UGGT2: variants seen among roughly 807,000 people sequenced by gnomAD.
UGGT2 encodes the protein UDP-glucose glycoprotein glucosyltransferase 2.
In UGGT2, 180 loss-of-function variants were observed where a neutral mutation model predicts 192.1. The observed-to-expected ratio is 0.94, with a 90% CI of 0.83 to 1.06. The LOEUF (loss-of-function observed/expected upper bound fraction) is 1.06. UGGT2 is among the 50% of genes least tolerant of loss of function. UGGT2 has a pLI of 0.00. For missense variants in UGGT2, 1,849 were observed against 1,795.7 expected (o/e 1.03, Z -0.54); for synonymous variants, 580 against 591.0 (o/e 0.98, Z 0.27).
At chr13:96,021,439 C>T (rs549629450) in intron 4 of UGGT2, among the ~76,000 whole-genome samples, 1 of 152,064 alleles carries the variant, frequency 6.6e-6, no homozygotes, top group East Asian at 1.9e-4. Flanking sequence ...TCTAATAATG[C>T]CATAAAGGAA....
intron 24 of UGGT2, among the ~76,000 whole-genome samples, chr13:95,893,247 G>A (rs1465144389): frequency 6.6e-6 from 1 of 151,818 alleles, no homozygotes; most frequent in East Asian, 1.9e-4. Context: ...CAGAAATAAC[G>A]GATTTATAAC....
At chr13:95,813,630 G>A (rs1007126090) in intron 38 of UGGT2, among the ~76,000 whole-genome samples, 1 of 152,192 alleles carries the variant, frequency 6.6e-6, no homozygotes, top group Non-Finnish European at 1.5e-5. Context: ...TTCAAAGGAA[G>A]AATCCAAGCA....
chr13:95,980,278 T>C (rs932551134), intron 10 of UGGT2, among the ~76,000 whole-genome samples: 4 of 152,052 alleles, frequency 2.6e-5, no homozygotes, highest in African/African-American at 9.7e-5. Context: ...TACTCAGCCA[T>C]AAAAAGGAAT....
chr13:96,046,509 G>A (rs544275364), intron 1 of UGGT2, among the ~76,000 whole-genome samples: 41 of 150,724 alleles, frequency 2.7e-4, no homozygotes, highest in Admixed American at 1.1e-3. Context: ...TGGCTGAATA[G>A]GAACAGCTCC....
chr13:96,011,146 C>T (rs896463413), intron 5 of UGGT2, among the ~76,000 whole-genome samples: 19 of 151,978 alleles, frequency 1.3e-4, no homozygotes, highest in African/African-American at 3.1e-4. Flanking sequence ...AACTATAAAA[C>T]GCTTAGAATA....
chr13:95,867,389 C>G lies in UGGT2; in HGVS notation c.3508G>C (p.Asp1170His). 1.2e-6 allele frequency: 2 copies of G among 1,608,842 alleles called. No individual in the cohort carries two copies. The highest frequency in any genetic ancestry group is 1.7e-6 in the Non-Finnish European group (2 of 1,178,140). ...EGTDSQADLE[D>H]IIVVLNSFKS... ...AAGCTGTTTAATACAACAATGATAT[C>G]TTCTAGGTCTGCTTGAGAGTCAGTT... Residue 1170 changes from aspartate to histidine, a missense_variant, in exon 30 of 39, where the codon GAT becomes CAT. By Grantham distance (81) the Asp-to-His change is moderately conservative. Coordinates refer to ENST00000376747, the MANE Select transcript of UGGT2 (RefSeq NM_020121.4).
Position 95,801,713 on chromosome 13 carries a change from A to G in UGGT2, c.*77T>C, listed in dbSNP as rs1884065289. The G allele has an allele frequency of 1.3e-6, 2 of 1,495,564 alleles. No homozygotes were observed. The highest frequency in any genetic ancestry group is 1.8e-6 in the Non-Finnish European group (2 of 1,088,088). 92.6% of individuals were successfully genotyped at this position (1,495,564 alleles called of 1,614,324 possible). ...CTTAACGAGACTTCCAAATCGTCTCAGCAGGGGCTCCAGACTTCCCCAGCA... is the reference window on the plus strand; with the variant it reads ...CTTAACGAGACTTCCAAATCGTCTCGGCAGGGGCTCCAGACTTCCCCAGCA... On this transcript the variant is annotated 3_prime_UTR_variant, in exon 39 of 39. Transcript: ENST00000376747.
At chr13:95,803,555 C>T (rs139616095) in intron 38 of UGGT2, among the ~76,000 whole-genome samples, 11 of 152,266 alleles carry the variant, frequency 7.2e-5, no homozygotes, top group South Asian at 4.1e-4. Flanking sequence ...TCACCGTGCC[C>T]GGCCGAAAAG....
chr13:95,976,377 AC>A (rs1337017590), intron 10 of UGGT2, among the ~76,000 whole-genome samples: 1 of 152,206 alleles, frequency 6.6e-6, no homozygotes, highest in Non-Finnish European at 1.5e-5. Context: ...GTTTTAATAA[AC>A]ATGGCAGTGC....
At chr13:95,976,662 C>T (rs1594487257) in intron 10 of UGGT2, among the ~76,000 whole-genome samples, 1 of 152,296 alleles carries the variant, frequency 6.6e-6, no homozygotes, top group East Asian at 1.9e-4. Context: ...CTATTCCCAT[C>T]AAGCTACCAT....
At chr13:95,931,779 T>G (rs949560526) in intron 17 of UGGT2, among the ~76,000 whole-genome samples, 3 of 151,958 alleles carry the variant, frequency 2.0e-5, no homozygotes, top group Admixed American at 2.0e-4. Flanking sequence ...CGCTGGCCCA[T>G]GAACGTGGCG....
At chr13:95,899,536 T>G (rs2048043627) in intron 22 of UGGT2, among the ~76,000 whole-genome samples, 1 of 152,092 alleles carries the variant, frequency 6.6e-6, no homozygotes, top group Non-Finnish European at 1.5e-5. Context: ...TATCTAGTAT[T>G]TGTTATCATT....
intron 7 of UGGT2, among the ~76,000 whole-genome samples, chr13:95,993,254 T>C (rs189243867): frequency 6.6e-6 from 1 of 152,226 alleles, no homozygotes; most frequent in African/African-American, 2.4e-5. Flanking sequence ...AGTGGGAAGA[T>C]GGCAAGGGCT....
chr13:95,974,269 A>C (rs181831480), intron 10 of UGGT2, among the ~76,000 whole-genome samples: 52 of 152,354 alleles, frequency 3.4e-4, no homozygotes, highest in African/African-American at 1.1e-3. Flanking sequence ...AAAGTTAATT[A>C]AGAAATCCAT....
rs1443593737 is a variant in UGGT2 at position 95,936,991 on chromosome 13, T to G, written c.1910A>C (p.Glu637Ala). ...TCTTTGAAGAACAGCCATTTTTAGT[T>G]CTTTAATATTCATCTCTTCATGTTT... ...PFKHEEMNIK[E>A]LKMAVLQRMM... is the part of the protein sequence containing the mutation. Residue 637 changes from glutamate (E) to alanine (A), a missense_variant, in exon 17 of 39, where the codon GAA becomes GCA. By Grantham distance (107) the Glu-to-Ala change is moderately radical. Coordinates refer to ENST00000376747, the MANE Select transcript of UGGT2 (RefSeq NM_020121.4). The G allele has an allele frequency of 1.2e-6, 2 of 1,604,020 alleles. No homozygotes were observed. Among genetic ancestry groups the G allele is most frequent in the South Asian group, 2.3e-5 (2 of 88,594 alleles).
chr13:96,016,324 G>T (rs2052336777), intron 4 of UGGT2, among the ~76,000 whole-genome samples: 1 of 152,208 alleles, frequency 6.6e-6, no homozygotes, highest in Non-Finnish European at 1.5e-5. Context: ...GCCAGGAGCT[G>T]ACAGCCAAGA....
At chr13:95,808,203 GT>G (rs1884413856) in intron 38 of UGGT2, among the ~76,000 whole-genome samples, 1 of 152,154 alleles carries the variant, frequency 6.6e-6, no homozygotes, top group Admixed American at 6.5e-5. Flanking sequence ...AAGGGTTCTT[GT>G]TGCCCAGACA....
chr13:96,012,081 AATG>A (rs2052178819), intron 5 of UGGT2, among the ~76,000 whole-genome samples: 1 of 152,104 alleles, frequency 6.6e-6, no homozygotes, highest in African/African-American at 2.4e-5. Context: ...CAGCAATTAA[AATG>A]ATGTTATTTT....
chr13:95,987,972 GAA>G (rs968045406), intron 8 of UGGT2, among the ~76,000 whole-genome samples: 1 of 152,070 alleles, frequency 6.6e-6, no homozygotes, highest in Non-Finnish European at 1.5e-5. Context: ...CAGTAAGCAA[GAA>G]AAGAGTAAGG....
Sources: allele counts gnomAD v4.1 joint callset (sites outside exome capture counted in the v4.1 genomes callset), GRCh38; gene constraint gnomAD v4.1.1; transcripts MANE v1.5; gene names NCBI Gene and HGNC (gene_info 2026-07-23, HGNC 2026-07-21).